MACROD2: variants seen among roughly 807,000 people sequenced by gnomAD.
MACROD2 encodes the protein mono-ADP ribosylhydrolase 2.
A neutral mutation model predicts 70.4 loss-of-function variants in MACROD2; 36 were observed. The ratio of observed to expected loss-of-function variants is 0.51; its 90% CI spans 0.39 to 0.68. The LOEUF (loss-of-function observed/expected upper bound fraction) is 0.68, where lower values mean the gene tolerates loss of function less well. Among genes scored for constraint, MACROD2 ranks in the 30% least tolerant of loss-of-function variants. The pLI, the probability that MACROD2 is intolerant of heterozygous loss-of-function variation, is 0.00. For missense variants in MACROD2, 496 were observed against 538.4 expected, an observed-to-expected ratio of 0.92 and a Z score of 0.78; for synonymous variants, 172 against 178.8, an observed-to-expected ratio of 0.96 and a Z score of 0.30.
chr20:15,996,000 C>A (rs945142411), intron 15 of MACROD2, among the ~76,000 whole-genome samples: 2 of 151,998 alleles, frequency 1.3e-5, no homozygotes, highest in African/African-American at 2.4e-5. Context: ...CTACTGATTT[C>A]TCTTCCTTCA....
chr20:14,598,244 A>AT lies in MACROD2; in HGVS notation c.302-86593dup, dbSNP rs563488251. Among the ~76,000 whole-genome samples the AT allele has an allele frequency of 4.6e-5, 7 of 151,994 alleles. No homozygotes were observed. The South Asian group carries it at 1.2e-3, about 27-fold the overall frequency. On this transcript the variant is annotated intron_variant, in intron 4 of 17. Transcript: ENST00000684519. ...TTAGGCATGTGCAAGTTTCCCTCGTATTTTTTCTGATATTTGTGGTTTAAA... is the reference window on the plus strand; with the variant it reads ...TTAGGCATGTGCAAGTTTCCCTCGTATTTTTTTCTGATATTTGTGGTTTAAA...
At chr20:16,035,090 AAAATATT>A (rs2067207267) in intron 15 of MACROD2, among the ~76,000 whole-genome samples, 3 of 36,556 alleles carry the variant, frequency 8.2e-5, no homozygotes, top group Admixed American at 4.2e-4. Context: ...TATGTAATAT[AAAATATT>A]ATATATTATA....
chr20:15,751,314 T>G (rs1431405742), intron 8 of MACROD2, among the ~76,000 whole-genome samples: 1 of 152,048 alleles, frequency 6.6e-6, no homozygotes, highest in Non-Finnish European at 1.5e-5. Context: ...AATAACATGA[T>G]TCAGGTACTA....
At chr20:15,811,366 T>A (rs2063819962) in intron 8 of MACROD2, among the ~76,000 whole-genome samples, 2 of 151,756 alleles carry the variant, frequency 1.3e-5, no homozygotes, top group African/African-American at 2.4e-5. Context: ...ATCAGAGAAA[T>A]GCAAATCAAA....
At chr20:14,270,938 G>A (rs898684980) in intron 3 of MACROD2, among the ~76,000 whole-genome samples, 2 of 152,238 alleles carry the variant, frequency 1.3e-5, no homozygotes, top group African/African-American at 4.8e-5. Context: ...GAGGCTGGGG[G>A]AGGAGCGCCC....
chr20:15,813,192 C>G (rs571307996), intron 8 of MACROD2, among the ~76,000 whole-genome samples: 74 of 152,274 alleles, frequency 4.9e-4, no homozygotes, highest in African/African-American at 1.7e-3. Flanking sequence ...AACTTGAATT[C>G]TAACTCAGCA....
chr20:14,721,246 C>T (rs1330736483), intron 5 of MACROD2, among the ~76,000 whole-genome samples: 1 of 145,386 alleles, frequency 6.9e-6, no homozygotes, highest in Non-Finnish European at 1.5e-5. Context: ...CAAAGCAAGA[C>T]CCCATCTCAA....
intron 3 of MACROD2, among the ~76,000 whole-genome samples, chr20:14,492,327 G>T (rs1024430436): frequency 5.9e-5 from 9 of 152,108 alleles, no homozygotes; most frequent in Non-Finnish European, 8.8e-5. Context: ...TCCCATACTT[G>T]GAAGATTATA....
intron 8 of MACROD2, among the ~76,000 whole-genome samples, chr20:15,598,551 A>T (rs2048775962): frequency 6.6e-6 from 1 of 152,166 alleles, no homozygotes; most frequent in Admixed American, 6.6e-5. Context: ...TGCTAATAAG[A>T]CCTGGAAGGT....
At chr20:15,486,891 C>G (rs1278363917) in intron 7 of MACROD2, among the ~76,000 whole-genome samples, 1 of 152,202 alleles carries the variant, frequency 6.6e-6, no homozygotes, top group Non-Finnish European at 1.5e-5. Flanking sequence ...AAGTAGCTGA[C>G]AGCAAATAGC....
At chr20:15,972,522 A>C (rs925793380) in intron 13 of MACROD2, among the ~76,000 whole-genome samples, 3 of 152,186 alleles carry the variant, frequency 2.0e-5, no homozygotes, top group African/African-American at 7.2e-5. Flanking sequence ...AGATAAAGAT[A>C]AATCAGGCCA....
chr20:14,559,904 G>C (rs1025161621), intron 4 of MACROD2, among the ~76,000 whole-genome samples: 1 of 151,714 alleles, frequency 6.6e-6, no homozygotes, highest in African/African-American at 2.4e-5. Context: ...CTGTCTCTCC[G>C]GTGTGAAACA....
chr20:14,214,616 T>TC (rs1481218186), intron 3 of MACROD2, among the ~76,000 whole-genome samples: 32 of 150,730 alleles, frequency 2.1e-4, no homozygotes, highest in African/African-American at 7.1e-4. Flanking sequence ...GTTTTTTTTT[T>TC]CCCATAAGTT....
intron 4 of MACROD2, among the ~76,000 whole-genome samples, chr20:14,592,556 T>A (rs1266718827): frequency 2.0e-5 from 3 of 152,124 alleles, no homozygotes; most frequent in Non-Finnish European, 4.4e-5. Flanking sequence ...CCCAAGTAGC[T>A]GGGACCACAG....
chr20:15,461,006 A>ATATATATTT, intron 7 of MACROD2, among the ~76,000 whole-genome samples: 3 of 66,988 alleles, frequency 4.5e-5, no homozygotes, highest in African/African-American at 8.4e-5. Context: ...ATATATATAT[A>ATATATATTT]TTTTTTTTTA....
rs1459458169 is a variant in MACROD2, at chr20:14,764,361, G to A, written c.418+79402G>A. Among the ~76,000 whole-genome samples the A allele has an allele frequency of 4.6e-5, 7 of 152,038 alleles. No homozygotes were observed. In the East Asian group the frequency reaches 1.4e-3, roughly 29 times the overall value. On this transcript the variant is annotated intron_variant, in intron 5 of 17. Coordinates refer to ENST00000684519, the MANE Select transcript of MACROD2 (RefSeq NM_001351661.2). ...TGCCGTCCTCTTGGTGATTTGACAT[G>A]CTTTTCCAGTTGCCTGAAACCTGCC...
intron 9 of MACROD2, among the ~76,000 whole-genome samples, chr20:15,878,731 C>T (rs574146141): frequency 1.3e-5 from 2 of 152,094 alleles, no homozygotes; most frequent in South Asian, 4.2e-4. Flanking sequence ...ATAATTAAAA[C>T]AAAAATCATT....
intron 10 of MACROD2, chr20:15,893,663 TTGATCTTAGCCCAAAGACCCAGAA>T: frequency 2.2e-6 from 1 of 456,354 alleles, no homozygotes; most frequent in Non-Finnish European, 4.4e-6. Context: ...ACTTTTACAC[TTGATCTTAGCCCAAAGACCCAGAA>T]GCGATAGAGC....
chr20:14,732,562 A>G (rs1396168618), intron 5 of MACROD2, among the ~76,000 whole-genome samples: 1 of 152,156 alleles, frequency 6.6e-6, no homozygotes, highest in African/African-American at 2.4e-5. Flanking sequence ...ATGAAACATA[A>G]ACCTTTGCTT....
Sources: allele counts gnomAD v4.1 joint callset (sites outside exome capture counted in the v4.1 genomes callset), GRCh38; gene constraint gnomAD v4.1.1; transcripts MANE v1.5; gene names NCBI Gene and HGNC (gene_info 2026-07-23, HGNC 2026-07-21).